STARD3NL: variants seen among roughly 807,000 people sequenced by gnomAD.
STARD3NL encodes the protein STARD3 N-terminal like.
In STARD3NL, 17 loss-of-function variants were observed where a neutral mutation model predicts 30.9. That is an observed-to-expected ratio of 0.55 (90% CI 0.38 to 0.82). STARD3NL has a LOEUF of 0.82. Ranked by LOEUF, STARD3NL falls within the 40% of genes least tolerant of loss-of-function variation. The probability of loss-of-function intolerance (pLI) is 0.00; values close to 1 mark genes in which losing one functional copy is unlikely to be tolerated. For missense variants in STARD3NL, 234 were observed against 277.6 expected, an observed-to-expected ratio of 0.84 and a Z score of 1.12; for synonymous variants, 112 against 100.5, an observed-to-expected ratio of 1.11 and a Z score of -0.69.
chr7:38,218,452 T>G (rs138199807), intron 6 of STARD3NL, among the ~76,000 whole-genome samples: 3 of 152,320 alleles, frequency 2.0e-5, no homozygotes, highest in African/African-American at 7.2e-5. Context: ...CTTGGAGAAG[T>G]TATAAGTAAA....
intron 6 of STARD3NL, 117 bp downstream of exon 6, chr7:38,217,422 G>T: frequency 1.1e-6 from 1 of 895,966 alleles, no homozygotes; most frequent in Admixed American, 2.3e-5. Context: ...CAGTGGTGGG[G>T]TCTTCATTCT....
At chr7:38,190,112 A>G (rs376789165) in intron 1 of STARD3NL, among the ~76,000 whole-genome samples, 14 of 152,282 alleles carry the variant, frequency 9.2e-5, no homozygotes, top group East Asian at 7.7e-4. Flanking sequence ...AACAGATAGT[A>G]CCAAACCCCT....
chr7:38,217,948 G>A (rs890984556), intron 6 of STARD3NL, among the ~76,000 whole-genome samples: 4 of 152,290 alleles, frequency 2.6e-5, no homozygotes, highest in East Asian at 1.9e-4. Context: ...CTAACAAGGT[G>A]TACTCATGAA....
intron 1 of STARD3NL, among the ~76,000 whole-genome samples, chr7:38,204,018 T>G (rs1160289783): frequency 6.6e-6 from 1 of 152,072 alleles, no homozygotes; most frequent in Non-Finnish European, 1.5e-5. Context: ...AGACTTAGAC[T>G]CCCACACAAT....
intron 2 of STARD3NL, among the ~76,000 whole-genome samples, chr7:38,212,575 G>A (rs2270165): frequency 0.14 from 20,960 of 152,154 alleles, 1,559 homozygotes; most frequent in East Asian, 0.22. Context: ...ACAGTGCCTG[G>A]TGCGTAGTAG....
At chr7:38,226,538 G>A (rs904747314) in intron 7 of STARD3NL, among the ~76,000 whole-genome samples, 5 of 152,144 alleles carry the variant, frequency 3.3e-5, no homozygotes, top group African/African-American at 9.7e-5. Context: ...CACCTTCAGC[G>A]TTCAGGCCAT....
At chr7:38,199,843 TG>T (rs748028162) in intron 1 of STARD3NL, among the ~76,000 whole-genome samples, 1 of 152,230 alleles carries the variant, frequency 6.6e-6, no homozygotes, top group Non-Finnish European at 1.5e-5. Context: ...AAGAGCCACA[TG>T]TGATATTGGT....
At chr7:38,201,049 A>T (rs1292556218) in intron 1 of STARD3NL, among the ~76,000 whole-genome samples, 10,100 of 152,306 alleles carry the variant, frequency 0.066, 1,106 homozygotes, top group African/African-American at 0.23. Context: ...TCATAACCTA[A>T]CAGAGATTAA....
At chr7:38,197,784 T>C (rs1045869795) in intron 1 of STARD3NL, among the ~76,000 whole-genome samples, 5 of 152,244 alleles carry the variant, frequency 3.3e-5, no homozygotes, top group Admixed American at 1.3e-4. Flanking sequence ...CTAAGCATGC[T>C]TATTTTTAAA....
At chr7:38,214,911 G>A in intron 3 of STARD3NL, 117 bp from the exon 4 acceptor site, 1 of 880,338 alleles carries the variant, frequency 1.1e-6, no homozygotes, top group Non-Finnish European at 1.8e-6. Flanking sequence ...ACCAGTGCCA[G>A]TCCCTGGTAG....
At chr7:38,203,740 C>A (rs945964039) in intron 1 of STARD3NL, among the ~76,000 whole-genome samples, 10 of 152,164 alleles carry the variant, frequency 6.6e-5, no homozygotes, top group Non-Finnish European at 1.3e-4. Context: ...ACCCGTCTCA[C>A]GTGCAGAGAC....
chr7:38,186,419 G>A lies in STARD3NL; in HGVS notation c.-59+7999G>A, dbSNP rs76478069. ...TCAGCAGTATTTTGTACTTGTGGAAGTGACCTTATTAGTCTCCTAAAGGAA... is the reference window on the plus strand; with the variant it reads ...TCAGCAGTATTTTGTACTTGTGGAAATGACCTTATTAGTCTCCTAAAGGAA... On this transcript the variant is annotated intron_variant, in intron 1 of 8. Coordinates refer to ENST00000009041, the MANE Select transcript of STARD3NL (RefSeq NM_032016.4). 1.0e-3 allele frequency among the ~76,000 whole-genome samples: 152 copies of A among 152,276 alleles called. 1 individual carries two copies. The East Asian group carries it at 0.028, about 28-fold the overall frequency.
intron 1 of STARD3NL, among the ~76,000 whole-genome samples, chr7:38,195,017 T>A (rs1392609222): frequency 6.6e-6 from 1 of 152,160 alleles, no homozygotes; most frequent in East Asian, 1.9e-4. Flanking sequence ...CTGTTCTTTC[T>A]GATAAAGCAT....
intron 2 of STARD3NL, among the ~76,000 whole-genome samples, chr7:38,213,220 A>G (rs1159229328): frequency 6.6e-6 from 1 of 152,152 alleles, no homozygotes; most frequent in Non-Finnish European, 1.5e-5. Flanking sequence ...TAATGAGACT[A>G]AATGGTTGGG....
At chr7:38,219,229 TAG>T (rs1786305339) in intron 6 of STARD3NL, among the ~76,000 whole-genome samples, 1 of 152,140 alleles carries the variant, frequency 6.6e-6, no homozygotes, top group African/African-American at 2.4e-5. Context: ...AAATTTTTTA[TAG>T]AGACAGGGTC....
chr7:38,179,851 G>A (rs1174108761), intron 1 of STARD3NL, among the ~76,000 whole-genome samples: 1 of 152,226 alleles, frequency 6.6e-6, no homozygotes, highest in African/African-American at 2.4e-5. Flanking sequence ...ATGTTTAGCT[G>A]AGTCAGCCAT....
chr7:38,214,505 CTTCAAA>C (rs1371192965), intron 3 of STARD3NL, 71 bp downstream of exon 3: 22 of 933,510 alleles, frequency 2.4e-5, no homozygotes, highest in Non-Finnish European at 3.6e-5. Flanking sequence ...TCTAAATAGA[CTTCAAA>C]TTCCATGCCC....
At chr7:38,179,149 AC>A (rs1784144107) in intron 1 of STARD3NL, 1 of 152,252 alleles carries the variant, frequency 6.6e-6, no homozygotes, top group African/African-American at 2.4e-5. Flanking sequence ...TAGCAAGGTA[AC>A]CAAGTAACGG....
Position 38,217,344 on chromosome 7 carries a change from G to A in STARD3NL, c.553+39G>A, listed in dbSNP as rs779900507. On this transcript the variant is annotated intron_variant, in intron 6 of 8. Transcript: ENST00000009041. ...AAAGTCAGCCTCCTGAGGCGGACTG[G>A]ATACCAAGCTGGGAGGAAGAGATGT... is the stretch of plus-strand genomic sequence containing the variant. The A allele has an allele frequency of 1.9e-6, 3 of 1,584,632 alleles. No individual in the cohort carries two copies. In the South Asian group the frequency reaches 3.3e-5, roughly 18 times the overall value.
Sources: gnomAD v4.1 joint callset for allele counts (sites outside exome capture counted in the v4.1 genomes callset) on GRCh38, gnomAD v4.1.1 for gene constraint, MANE v1.5 for transcripts, NCBI Gene and HGNC (gene_info 2026-07-23, HGNC 2026-07-21) for gene names.